The following RSF1 variants were observed in gnomAD, a reference collection of about 807,000 sequenced individuals.
RSF1 encodes the protein remodeling and spacing factor 1.
RSF1 carries 13 observed loss-of-function variants against 145.2 expected under a neutral mutation model. The ratio of observed to expected loss-of-function variants is 0.09; its 90% confidence interval spans 0.06 to 0.14. RSF1 has a LOEUF of 0.14. Among genes scored for constraint, RSF1 ranks in the 10% least tolerant of loss-of-function variants. The pLI, the probability that RSF1 is intolerant of heterozygous loss-of-function variation, is 1.00. For missense variants in RSF1, 1,517 were observed against 1,718.2 expected, an observed-to-expected ratio of 0.88 and a Z score of 2.07; for synonymous variants, 577 against 592.6, an observed-to-expected ratio of 0.97 and a Z score of 0.38.
intron 1 of RSF1, among the ~76,000 whole-genome samples, chr11:77,766,449 C>G (rs766100285): frequency 1.3e-5 from 2 of 152,080 alleles, no homozygotes; most frequent in Non-Finnish European, 2.9e-5. Flanking sequence ...AGAAACAGTC[C>G]TTCTGTCTTT....
intron 2 of RSF1, among the ~76,000 whole-genome samples, chr11:77,751,418 T>C (rs557263222): frequency 1.4e-4 from 22 of 152,190 alleles, no homozygotes; most frequent in African/African-American, 5.1e-4. Context: ...AGCCAACATC[T>C]GAAGACAGGT....
intron 1 of RSF1, among the ~76,000 whole-genome samples, chr11:77,811,549 A>G (rs1948731528): frequency 6.6e-6 from 1 of 152,216 alleles, no homozygotes; most frequent in Non-Finnish European, 1.5e-5. Flanking sequence ...TTTGATGCTT[A>G]AAGAGCAGAC....
At chr11:77,784,806 T>C (rs1948438311) in intron 1 of RSF1, among the ~76,000 whole-genome samples, 1 of 152,130 alleles carries the variant, frequency 6.6e-6, no homozygotes, top group Non-Finnish European at 1.5e-5. Flanking sequence ...ACATCTCCAG[T>C]GTAAGTTCTA....
the RSF1 span, among the ~76,000 whole-genome samples, chr11:77,848,833 T>G: frequency 1.3e-3 from 193 of 152,350 alleles, 1 homozygote; most frequent in African/African-American, 4.5e-3. Context: ...TCTCCCAAGC[T>G]GGAGTGCAGG....
chr11:77,772,835 G>A (rs1948300553), intron 1 of RSF1, among the ~76,000 whole-genome samples: 1 of 115,412 alleles, frequency 8.7e-6, no homozygotes, highest in East Asian at 2.8e-4. Context: ...TGTGACAAGA[G>A]TTGCCCAAGA....
the RSF1 span, among the ~76,000 whole-genome samples, chr11:77,864,460 A>G: frequency 6.6e-6 from 1 of 152,074 alleles, no homozygotes; most frequent in South Asian, 2.1e-4. Flanking sequence ...AAATAAAAAA[A>G]AGAACATAGT....
Position 77,700,935 on chromosome 11 carries a change from T to C in RSF1, c.2294A>G (p.Glu765Gly). The change falls in exon 6 of 16, where the codon GAA (glutamate) becomes GGA (glycine). Residue 765 changes from glutamate to glycine, a missense_variant. This residue lies in a region of RSF1 where 579 missense variants were observed against 553.5 expected (regional missense o/e 1.05). Transcript: ENST00000308488. ...PENKQEKTEK[E>G]EEKTNVGRTL... is the part of the protein sequence containing the mutation. ...ACGACCCACATTTGTTTTCTCCTCTTCCTTTTCTGTCTTCTCTTGCTTGTT... is the reference window on the plus strand; with the variant it reads ...ACGACCCACATTTGTTTTCTCCTCTCCCTTTTCTGTCTTCTCTTGCTTGTT... 1 of 1,613,492 alleles carries C rather than the reference T, an allele frequency of 6.2e-7. No homozygotes were observed. Among genetic ancestry groups the C allele is most frequent in the South Asian group, 1.1e-5 (1 of 91,034 alleles).
the RSF1 span, among the ~76,000 whole-genome samples, chr11:77,861,113 G>A: frequency 5.7e-4 from 87 of 151,868 alleles, no homozygotes; most frequent in Middle Eastern, 3.4e-3. Flanking sequence ...TTTTTTGCTC[G>A]TCCATATTGT....
At chr11:77,858,565 C>A in the RSF1 span, among the ~76,000 whole-genome samples, 3 of 152,068 alleles carry the variant, frequency 2.0e-5, no homozygotes, top group Non-Finnish European at 4.4e-5. Flanking sequence ...TGGTCACCTT[C>A]CCAGCTAGCC....
At chr11:77,770,383 A>T (rs2135943913) in intron 1 of RSF1, among the ~76,000 whole-genome samples, 1 of 152,334 alleles carries the variant, frequency 6.6e-6, no homozygotes, top group Admixed American at 6.5e-5. Flanking sequence ...TGAACCTGGG[A>T]GGCGGAGGAT....
chr11:77,806,631 T>G (rs577390102), intron 1 of RSF1, among the ~76,000 whole-genome samples: 1 of 152,084 alleles, frequency 6.6e-6, no homozygotes, highest in East Asian at 1.9e-4. Context: ...CAGTGAGCTA[T>G]GACTGCACCA....
intron 1 of RSF1, chr11:77,813,443 G>C: frequency 8.2e-7 from 1 of 1,218,142 alleles, no homozygotes; most frequent in Non-Finnish European, 1.2e-6. Flanking sequence ...ATCTGGAAAG[G>C]ATCCCACGTC....
chr11:77,766,953 A>G (rs551395963), intron 1 of RSF1, among the ~76,000 whole-genome samples: 414 of 152,308 alleles, frequency 2.7e-3, no homozygotes, highest in African/African-American at 8.8e-3. Flanking sequence ...AGAGAAGTGG[A>G]CAGATCTGAG....
chr11:77,801,860 C>T (rs533204716), intron 1 of RSF1, among the ~76,000 whole-genome samples: 1 of 151,804 alleles, frequency 6.6e-6, no homozygotes, highest in Admixed American at 6.6e-5. Context: ...GATGAAACCT[C>T]CATTAAAAAA....
At chr11:77,683,904 T>C in intron 10 of RSF1, 85 bp from the exon 11 acceptor site, 1 of 973,996 alleles carries the variant, frequency 1.0e-6, no homozygotes, top group South Asian at 1.6e-5. Flanking sequence ...AATCTCCATT[T>C]AGGTAGCACA....
At chr11:77,779,175 C>A (rs1948377941) in intron 1 of RSF1, among the ~76,000 whole-genome samples, 1 of 151,674 alleles carries the variant, frequency 6.6e-6, no homozygotes, top group African/African-American at 2.4e-5. Flanking sequence ...AACTCCTGAC[C>A]TCAGGTGATC....
chr11:77,708,997 T>C (rs1960616673), intron 5 of RSF1, among the ~76,000 whole-genome samples: 1 of 152,194 alleles, frequency 6.6e-6, no homozygotes, highest in African/African-American at 2.4e-5. Flanking sequence ...AAATAAAATT[T>C]GATTAATAAA....
At chr11:77,720,641 T>C (rs1317606977) in intron 5 of RSF1, among the ~76,000 whole-genome samples, 2 of 152,176 alleles carry the variant, frequency 1.3e-5, no homozygotes, top group Non-Finnish European at 1.5e-5. Flanking sequence ...ATACAAATAG[T>C]ATAAATAAAG....
At chr11:77,856,048 G>C in the RSF1 span, among the ~76,000 whole-genome samples, 3 of 152,222 alleles carry the variant, frequency 2.0e-5, no homozygotes, top group Admixed American at 2.0e-4. Flanking sequence ...GAGCCCAGGA[G>C]GCAGAGTTGC....
Sources: gnomAD v4.1 joint callset for allele counts (sites outside exome capture counted in the v4.1 genomes callset) on GRCh38, gnomAD v4.1.1 for gene constraint, gnomAD v4.1.1 regional missense constraint, MANE v1.5 for transcripts, NCBI Gene and HGNC (gene_info 2026-07-23, HGNC 2026-07-21) for gene names.